The following RABGAP1L variants were observed in gnomAD, a reference collection of about 807,000 sequenced individuals.
RABGAP1L encodes the protein rab GTPase-activating protein 1-like.
In RABGAP1L, 63 loss-of-function variants were observed where a neutral mutation model predicts 137.7. That is an observed-to-expected ratio of 0.46 (90% CI 0.37 to 0.56). The LOEUF is 0.56. Among genes scored for constraint, RABGAP1L ranks in the 20% least tolerant of loss-of-function variants. RABGAP1L has a pLI of 0.00. For missense variants in RABGAP1L, 1,095 were observed against 1,244.0 expected, an observed-to-expected ratio of 0.88 and a Z score of 1.80; for synonymous variants, 431 against 433.7, an observed-to-expected ratio of 0.99 and a Z score of 0.08.
chr1:174,319,115 C>G (rs1197042645), intron 11 of RABGAP1L, among the ~76,000 whole-genome samples: 1 of 151,966 alleles, frequency 6.6e-6, no homozygotes, highest in Non-Finnish European at 1.5e-5. Flanking sequence ...TTTATACTTT[C>G]AAATGTTTTT....
chr1:174,856,397 T>TAAAAAAAAAA (rs150232187), intron 19 of RABGAP1L, among the ~76,000 whole-genome samples: 2 of 115,240 alleles, frequency 1.7e-5, no homozygotes, highest in Non-Finnish European at 2.0e-5. Context: ...TCCCTCTCAA[T>TAAAAAAAAAA]AAAAAAAAAA....
At chr1:174,404,856 C>A (rs982171386) in intron 13 of RABGAP1L, among the ~76,000 whole-genome samples, 2 of 152,076 alleles carry the variant, frequency 1.3e-5, no homozygotes, top group Admixed American at 6.6e-5. Flanking sequence ...GGCAAAAATT[C>A]TTTTTGAAAT....
intron 13 of RABGAP1L, among the ~76,000 whole-genome samples, chr1:174,487,712 G>T (rs1659806033): frequency 6.6e-6 from 1 of 151,812 alleles, no homozygotes; most frequent in Non-Finnish European, 1.5e-5. Flanking sequence ...CTTCCTTCCT[G>T]TCTTCCTTTT....
chr1:174,287,585 T>C (rs1676176874), intron 10 of RABGAP1L, among the ~76,000 whole-genome samples: 1 of 152,186 alleles, frequency 6.6e-6, no homozygotes, highest in African/African-American at 2.4e-5. Flanking sequence ...CACCATCTCC[T>C]GGGTTCAAGT....
chr1:174,400,723 G>A lies in RABGAP1L; in HGVS notation c.1710+6578G>A, dbSNP rs1286091711. 2.6e-5 allele frequency among the ~76,000 whole-genome samples: 4 copies of A among 151,996 alleles called. No individual in the cohort carries two copies. In the East Asian group the frequency reaches 7.7e-4, roughly 29 times the overall value. ...TTCTCTTTTTGCCAGGGAGGAGGTG[G>A]CAGCCATTAAGAATTAGTACCCTAG... On this transcript the variant is annotated intron_variant, in intron 13 of 25. Transcript: ENST00000681986.
At chr1:174,844,255 T>G (rs1440809868) in intron 19 of RABGAP1L, among the ~76,000 whole-genome samples, 2 of 118,780 alleles carry the variant, frequency 1.7e-5, no homozygotes, top group Non-Finnish European at 3.5e-5. Context: ...AATTTTGGCT[T>G]TTGTTGCCAT....
intron 10 of RABGAP1L, among the ~76,000 whole-genome samples, chr1:174,293,943 A>G (rs1000009470): frequency 3.9e-5 from 6 of 152,150 alleles, no homozygotes; most frequent in African/African-American, 1.4e-4. Context: ...TACATAGTTC[A>G]GAAGCAGCAC....
At chr1:174,211,727 A>G (rs966869585) in intron 1 of RABGAP1L, among the ~76,000 whole-genome samples, 7 of 152,172 alleles carry the variant, frequency 4.6e-5, no homozygotes, top group Non-Finnish European at 8.8e-5. Context: ...TCTGTTGCCT[A>G]CATGAAACAT....
At chr1:174,964,895 G>C in intron 20 of RABGAP1L, 4 of 1,463,100 alleles carry the variant, frequency 2.7e-6, no homozygotes, top group Non-Finnish European at 3.6e-6. Context: ...AAATATTTTA[G>C]TAGGTGTTCA....
intron 1 of RABGAP1L, among the ~76,000 whole-genome samples, chr1:174,211,665 A>G (rs1668894958): frequency 6.6e-6 from 1 of 152,136 alleles, no homozygotes; most frequent in African/African-American, 2.4e-5. Context: ...AAACTCTCCA[A>G]TGAAAGGATA....
chr1:174,282,014 T>C (rs1008207376), intron 10 of RABGAP1L, among the ~76,000 whole-genome samples: 1 of 152,226 alleles, frequency 6.6e-6, no homozygotes. Context: ...TGTTAATCTT[T>C]TTATTGTTGA....
At chr1:174,200,444 A>G (rs552053767) in intron 1 of RABGAP1L, among the ~76,000 whole-genome samples, 1 of 152,346 alleles carries the variant, frequency 6.6e-6, no homozygotes, top group South Asian at 2.1e-4. Flanking sequence ...AGAAATCTGT[A>G]TATGAGGTAG....
chr1:174,186,510 T>C (rs1335525761), intron 1 of RABGAP1L, among the ~76,000 whole-genome samples: 1 of 152,228 alleles, frequency 6.6e-6, no homozygotes, highest in East Asian at 1.9e-4. Flanking sequence ...TTCAGAATGC[T>C]ATCTGTCTAC....
intron 19 of RABGAP1L, among the ~76,000 whole-genome samples, chr1:174,946,493 G>T (rs540524028): frequency 6.6e-6 from 1 of 152,160 alleles, no homozygotes; most frequent in South Asian, 2.1e-4. Context: ...AGCCTATAGG[G>T]TCTGTCATTA....
chr1:174,811,666 C>T (rs1172359711), intron 18 of RABGAP1L, among the ~76,000 whole-genome samples, 166 bp from the exon 19 acceptor site: 1 of 152,152 alleles, frequency 6.6e-6, no homozygotes, highest in Admixed American at 6.5e-5. Flanking sequence ...CTTATAGTAA[C>T]ATCATCTAAA....
intron 12 of RABGAP1L, among the ~76,000 whole-genome samples, chr1:174,377,597 A>G (rs1446182474): frequency 6.6e-6 from 1 of 152,172 alleles, no homozygotes; most frequent in Non-Finnish European, 1.5e-5. Flanking sequence ...AGTAGCACAT[A>G]AAAAGATGCT....
chr1:174,230,397 T>TA (rs929886770), intron 3 of RABGAP1L, among the ~76,000 whole-genome samples: 33 of 151,756 alleles, frequency 2.2e-4, no homozygotes, highest in East Asian at 9.7e-4. Flanking sequence ...TAAAGTATAG[T>TA]AAAAAAAAGA....
At chr1:174,495,682 A>G (rs1474130762) in intron 13 of RABGAP1L, among the ~76,000 whole-genome samples, 1 of 152,124 alleles carries the variant, frequency 6.6e-6, no homozygotes, top group African/African-American at 2.4e-5. Context: ...CCTTTGCTAT[A>G]GTTCTAGATT....
chr1:174,914,686 A>G (rs1379906916), intron 19 of RABGAP1L, among the ~76,000 whole-genome samples: 1 of 152,128 alleles, frequency 6.6e-6, no homozygotes, highest in Non-Finnish European at 1.5e-5. Flanking sequence ...TTATAAAGGT[A>G]TAAGTTATAT....
Sources: gnomAD v4.1 joint callset for allele counts (sites outside exome capture counted in the v4.1 genomes callset) on GRCh38, gnomAD v4.1.1 for gene constraint, MANE v1.5 for transcripts, NCBI Gene and HGNC (gene_info 2026-07-23, HGNC 2026-07-21) for gene names.